Variants in CDC14B observed in about 807,000 individuals in gnomAD.
The protein encoded by CDC14B is cell division cycle 14B.
A neutral mutation model predicts 64.2 loss-of-function variants in CDC14B; 22 were observed. The ratio of observed to expected loss-of-function variants is 0.34; its 90% confidence interval spans 0.24 to 0.49. The LOEUF is 0.49. Among genes scored for constraint, CDC14B ranks in the 20% least tolerant of loss-of-function variants. The probability of loss-of-function intolerance (pLI) is 0.99; values close to 1 mark genes in which losing one functional copy is unlikely to be tolerated. For missense variants in CDC14B, 498 were observed against 629.9 expected (o/e 0.79, Z 2.24); for synonymous variants, 191 against 215.8 (o/e 0.89, Z 1.01).
At chr9:96,537,266 C>A (rs1839404251) in intron 7 of CDC14B, among the ~76,000 whole-genome samples, 6 of 151,970 alleles carry the variant, frequency 3.9e-5, no homozygotes, top group Admixed American at 3.3e-4. Flanking sequence ...CCAGCCTGGG[C>A]AGCAGAGTGA....
intron 1 of CDC14B, among the ~76,000 whole-genome samples, chr9:96,596,763 G>A (rs1284452517): frequency 1.3e-5 from 2 of 151,936 alleles, no homozygotes; most frequent in African/African-American, 2.4e-5. Flanking sequence ...GGAGGCTGAG[G>A]TGGGCGGATC....
chr9:96,606,145 C>T (rs1347736151), intron 1 of CDC14B, among the ~76,000 whole-genome samples: 1 of 150,992 alleles, frequency 6.6e-6, no homozygotes, highest in Non-Finnish European at 1.5e-5. Context: ...ACCAGCCTGG[C>T]CTACATGGCA....
intron 1 of CDC14B, among the ~76,000 whole-genome samples, chr9:96,609,713 T>C (rs1485707672): frequency 6.6e-6 from 1 of 152,194 alleles, no homozygotes; most frequent in African/African-American, 2.4e-5. Context: ...ATGTCATAAA[T>C]TGCAAAGCAG....
chr9:96,610,712 C>T (rs944882839), intron 1 of CDC14B, among the ~76,000 whole-genome samples: 1 of 149,946 alleles, frequency 6.7e-6, no homozygotes, highest in African/African-American at 2.5e-5. Flanking sequence ...ACCCTTTCCA[C>T]AAGAGCCTAT....
intron 1 of CDC14B, among the ~76,000 whole-genome samples, chr9:96,605,657 C>A (rs778887204): frequency 7.2e-5 from 11 of 152,190 alleles, no homozygotes; most frequent in Non-Finnish European, 1.5e-4. Context: ...GAATGCAAAG[C>A]AAGACACTGA....
intron 12 of CDC14B, among the ~76,000 whole-genome samples, chr9:96,519,071 G>A (rs1229671549): frequency 6.6e-6 from 1 of 152,116 alleles, no homozygotes; most frequent in African/African-American, 2.4e-5. Flanking sequence ...AGGAGGCGGA[G>A]CTTGCAGTGA....
Position 96,502,633 on chromosome 9 carries a change from C to A in CDC14B, c.*1120G>T. The A allele has an allele frequency of 9.1e-6, 3 of 329,672 alleles. No individual in the cohort carries two copies. The highest frequency in any genetic ancestry group is 4.4e-5 in the East Asian group (1 of 22,686). 20.4% of individuals were successfully genotyped at this position (329,672 alleles called of 1,614,324 possible). A position where few individuals can be genotyped will look rare whatever the true frequency, so the allele number is the denominator to read the frequency against. On this transcript the variant is annotated 3_prime_UTR_variant, in exon 14 of 14. Transcript: ENST00000375241. ...TTTTAGCAGCACATCAATTCTGTTT[C>A]TGTAACTGCTTCATGGCACAGACTC...
chr9:96,600,997 G>A (rs538096131), intron 1 of CDC14B, among the ~76,000 whole-genome samples: 137 of 152,184 alleles, frequency 9.0e-4, no homozygotes, highest in African/African-American at 3.1e-3. Flanking sequence ...ACTAAAAAAA[G>A]ATATCCATGT....
chr9:96,506,069 G>A (rs1834085190), intron 13 of CDC14B, among the ~76,000 whole-genome samples: 1 of 152,180 alleles, frequency 6.6e-6, no homozygotes, highest in South Asian at 2.1e-4. Flanking sequence ...TGGATGCCAA[G>A]GAACATGAAA....
intron 1 of CDC14B, chr9:96,618,850 C>T (rs1847805948): frequency 1.2e-5 from 4 of 321,564 alleles, no homozygotes; most frequent in South Asian, 1.0e-4. Flanking sequence ...GCCAACCGGG[C>T]TCGCAATCCC....
chr9:96,589,830 G>A (rs967792378), intron 1 of CDC14B, among the ~76,000 whole-genome samples: 7 of 151,598 alleles, frequency 4.6e-5, no homozygotes, highest in African/African-American at 4.9e-5. Flanking sequence ...GCGTGGTGGC[G>A]GGTGCCTGTA....
At chr9:96,579,542 C>G (rs1845012293) in intron 1 of CDC14B, among the ~76,000 whole-genome samples, 1 of 150,780 alleles carries the variant, frequency 6.6e-6, no homozygotes, top group Non-Finnish European at 1.5e-5. Context: ...GCCAAAATCA[C>G]GCAATGCACT....
At chr9:96,496,129 C>T, downstream of CDC14B, 1 of 364,168 alleles carries the variant, frequency 2.7e-6, no homozygotes, top group Non-Finnish European at 5.5e-6. Flanking sequence ...ATTCCCAACC[C>T]AGTCAGGCCG....
In CDC14B at chr9:96,522,508, G is replaced by A; in HGVS notation, c.1341C>T (p.Leu447=). 2 of 1,602,942 alleles carry A rather than the reference G, an allele frequency of 1.2e-6. No homozygotes were observed. The highest frequency in any genetic ancestry group is 1.7e-6 in the Non-Finnish European group (2 of 1,169,758). ...ACAACAAAGGAACCCAGACTCACGT[G>A]AGAGGAATAGCGTTTGTTTTGGATT... ...RRQSKTNAIP[L]TVILQSSVQS... is the part of the protein sequence containing the mutation. Residue 447 remains leucine, a splice_region_variant and synonymous_variant, in exon 12 of 14, where the codon CTC becomes CTT. Transcript: ENST00000375241.
chr9:96,617,621 A>C (rs2119105991), intron 1 of CDC14B, among the ~76,000 whole-genome samples: 1 of 152,312 alleles, frequency 6.6e-6, no homozygotes, highest in South Asian at 2.1e-4. Flanking sequence ...TCGCACGTGT[A>C]TGGTAGAGAA....
At chr9:96,562,451 CT>C (rs1482218561) in intron 4 of CDC14B, 3 of 427,772 alleles carry the variant, frequency 7.0e-6, no homozygotes, top group East Asian at 3.7e-5. Flanking sequence ...AAAATATAGG[CT>C]TTTTTCCCGA....
At chr9:96,609,056 T>C (rs1679672403) in intron 1 of CDC14B, among the ~76,000 whole-genome samples, 1 of 152,138 alleles carries the variant, frequency 6.6e-6, no homozygotes, top group South Asian at 2.1e-4. Context: ...CACTGCAACC[T>C]CTGGTTCAAG....
At chr9:96,494,794 C>A in intron 13 of CDC14B, among the ~76,000 whole-genome samples, 1 of 114,784 alleles carries the variant, frequency 8.7e-6, no homozygotes, top group Admixed American at 9.0e-5. Context: ...CCCCTCCCGT[C>A]CTGTCCAGTC....
At chr9:96,541,749 G>A (rs1397060567) in intron 6 of CDC14B, 77 bp downstream of exon 6, 3 of 970,206 alleles carry the variant, frequency 3.1e-6, no homozygotes, top group East Asian at 2.7e-5. Context: ...AAAAGATCTC[G>A]GGAAGAAGGC....
Sources: allele counts gnomAD v4.1 joint callset (sites outside exome capture counted in the v4.1 genomes callset), GRCh38; gene constraint gnomAD v4.1.1; transcripts MANE v1.5; gene names NCBI Gene and HGNC (gene_info 2026-07-23, HGNC 2026-07-21).